The following PYGB variants were observed in gnomAD, a reference collection of about 807,000 sequenced individuals.
The protein encoded by PYGB is glycogen phosphorylase, brain form.
PYGB carries 82 observed loss-of-function variants against 94.3 expected under a neutral mutation model. That is an observed-to-expected ratio of 0.87 (90% CI 0.73 to 1.04). The LOEUF (loss-of-function observed/expected upper bound fraction) is 1.04. Ranked by LOEUF, PYGB falls within the 50% of genes least tolerant of loss-of-function variation. The pLI is 0.00. For synonymous variants in PYGB, 488 were observed against 479.1 expected, an observed-to-expected ratio of 1.02 and a Z score of -0.24; for missense variants, 1,132 against 1,158.2, an observed-to-expected ratio of 0.98 and a Z score of 0.33.
intron 15 of PYGB, 197 bp downstream of exon 15, chr20:25,288,680 C>T (rs2088439948): frequency 6.2e-6 from 4 of 640,670 alleles, no homozygotes; most frequent in Non-Finnish European, 1.1e-5. Flanking sequence ...CCTGCCTGCC[C>T]AGCTCACTGG....
chr20:25,296,731 AGCCAGAGTT>A lies in PYGB; in HGVS notation c.*211_*219del. On this transcript the variant is annotated 3_prime_UTR_variant, in exon 20 of 20. Coordinates refer to ENST00000216962, the MANE Select transcript of PYGB (RefSeq NM_002862.4). The stretch of plus-strand genomic sequence containing the variant: ...AGTGCTCCTAGTTTCTTGTAAAGGA[AGCCAGAGTT>A]GACAGTACAAAGGGTCGTGGCCAGC... 1 of 672,726 alleles carries A rather than the reference AGCCAGAGTT, an allele frequency of 1.5e-6. No homozygotes were observed. Among genetic ancestry groups the A allele is most frequent in the Non-Finnish European group, 2.4e-6 (1 of 415,032 alleles). 41.7% of individuals were successfully genotyped at this position (672,726 alleles called of 1,614,324 possible).
At chr20:25,292,668 G>A in intron 17 of PYGB, 55 bp downstream of exon 17, 1 of 1,567,842 alleles carries the variant, frequency 6.4e-7, no homozygotes, top group Non-Finnish European at 8.6e-7. Context: ...AATGAAGGGT[G>A]TTGGGCTGGG....
In PYGB at chr20:25,296,574, G is replaced by A. The variant is rs1202598439; in HGVS notation, c.*52G>A. Reference sequence around the variant, plus strand: ...GGGCATTTGTTTTCTTGCTGACTTTGCACCTCCTTTTTTCCCCAAACACTT... The same window carrying A: ...GGGCATTTGTTTTCTTGCTGACTTTACACCTCCTTTTTTCCCCAAACACTT... On this transcript the variant is annotated 3_prime_UTR_variant, in exon 20 of 20. Transcript: ENST00000216962. 1 of 1,567,342 alleles carries A rather than the reference G, an allele frequency of 6.4e-7. No homozygotes were observed. Among genetic ancestry groups the A allele is most frequent in the Admixed American group, 1.8e-5 (1 of 56,390 alleles).
At position 25,284,178 on chromosome 20, in the gene PYGB, T is replaced by G. The variant is rs2227892; in HGVS notation, c.1695T>G (p.Asp565Glu). 1.2e-6 allele frequency: 2 copies of G among 1,613,742 alleles called. No individual in the cohort carries two copies. Among genetic ancestry groups the G allele is most frequent in the Non-Finnish European group, 1.7e-6 (2 of 1,179,902 alleles). ...KVKINPSSMFDVHVKRIHEYK... is the reference protein window; with the variant it reads ...KVKINPSSMFEVHVKRIHEYK... Reference sequence around the variant, plus strand: ...AGATCAACCCCTCCTCCATGTTCGATGTGCATGTGAAGAGGATCCACGAGT... The same window carrying G: ...AGATCAACCCCTCCTCCATGTTCGAGGTGCATGTGAAGAGGATCCACGAGT... The change falls in exon 14 of 20, where the codon GAT becomes GAG. Residue 565 changes from aspartate to glutamate, a missense_variant. By Grantham distance (45) the Asp-to-Glu change is conservative. Transcript: ENST00000216962.
chr20:25,282,294 G>GCC (rs2088375508), intron 12 of PYGB, 147 bp downstream of exon 12: 1 of 687,758 alleles, frequency 1.5e-6, no homozygotes, highest in South Asian at 1.9e-5. Context: ...TGAGGGCTGA[G>GCC]CCCCTGAACA....
At chr20:25,250,618 G>T (rs1402158307) in intron 1 of PYGB, among the ~76,000 whole-genome samples, 1 of 152,154 alleles carries the variant, frequency 6.6e-6, no homozygotes, top group Non-Finnish European at 1.5e-5. Flanking sequence ...ATGCTTGCTG[G>T]TGATGGACCA....
chr20:25,291,638 C>T (rs1251378500), intron 16 of PYGB, among the ~76,000 whole-genome samples: 2 of 152,206 alleles, frequency 1.3e-5, no homozygotes, highest in Admixed American at 6.5e-5. Context: ...CCCTGCTCCT[C>T]TGACCGAAGC....
intron 1 of PYGB, among the ~76,000 whole-genome samples, chr20:25,257,394 G>T (rs2092904721): frequency 6.6e-6 from 1 of 152,222 alleles, no homozygotes; most frequent in South Asian, 2.1e-4. Context: ...TCTAGGCCCA[G>T]CACTTCCCGT....
intron 17 of PYGB, chr20:25,293,803 T>G (rs1414041616): frequency 1.5e-4 from 47 of 314,256 alleles, no homozygotes; most frequent in Non-Finnish European, 2.4e-4. Flanking sequence ...GCCGTCTGTT[T>G]TTCAAAAGCT....
At chr20:25,284,014 C>G in intron 13 of PYGB, 90 bp from the exon 14 acceptor site, 1 of 1,512,332 alleles carries the variant, frequency 6.6e-7, no homozygotes. Context: ...CTGCGGCACT[C>G]TTCACAGGGC....
At chr20:25,265,713 G>A (rs2088212161) in intron 2 of PYGB, among the ~76,000 whole-genome samples, 1 of 150,682 alleles carries the variant, frequency 6.6e-6, no homozygotes, top group Non-Finnish European at 1.5e-5. Context: ...TCTTACCTCA[G>A]TCTCCCGAGT....
rs776622403 is a variant in PYGB, at chr20:25,280,983, G to A, written c.1274G>A (p.Arg425His). 13 of 1,614,016 alleles carry A rather than the reference G, an allele frequency of 8.1e-6. No individual in the cohort carries two copies. The highest frequency in any genetic ancestry group is 1.6e-4 in the Middle Eastern group (1 of 6,080). The change falls in exon 11 of 20, where the codon CGC becomes CAC. Residue 425 changes from arginine (R) to histidine (H), a missense_variant. Coordinates refer to ENST00000216962, the MANE Select transcript of PYGB (RefSeq NM_002862.4). ...VAALFPGDVD[R>H]LRRMSVIEEG... Reference sequence around the variant, plus strand: ...GCGCTGTTTCCCGGCGATGTGGACCGCCTGCGCAGGATGTCTGTGATCGAG... The same window carrying A: ...GCGCTGTTTCCCGGCGATGTGGACCACCTGCGCAGGATGTCTGTGATCGAG...
chr20:25,295,340 A>G (rs2088524729), intron 18 of PYGB, among the ~76,000 whole-genome samples: 1 of 152,266 alleles, frequency 6.6e-6, no homozygotes. Flanking sequence ...CACGTTTTAA[A>G]TGCCAGTTTA....
In PYGB at chr20:25,296,364, C is replaced by A. The variant is rs761952950; in HGVS notation, c.2380-6C>A. On this transcript the variant is annotated splice_region_variant and splice_polypyrimidine_tract_variant and intron_variant, in intron 19 of 19. Coordinates refer to ENST00000216962, the MANE Select transcript of PYGB (RefSeq NM_002862.4). ...CCAGAGACTAATTTCATCTCCTTCC[C>A]TGCAGAACCCCAAGGAGTGGACCAA... is the stretch of plus-strand genomic sequence containing the variant. 6.2e-7 allele frequency: 1 copy of A among 1,614,044 alleles called. No individual in the cohort carries two copies. Among genetic ancestry groups the A allele is most frequent in the South Asian group, 1.1e-5 (1 of 91,092 alleles).
chr20:25,292,990 C>T (rs886715247), intron 17 of PYGB, among the ~76,000 whole-genome samples: 1 of 152,178 alleles, frequency 6.6e-6, no homozygotes, highest in African/African-American at 2.4e-5. Context: ...CAGGACCCCA[C>T]TGCCAGGGGC....
rs2088546610 is a variant in PYGB at position 25,296,443 on chromosome 20, T to C, written c.2453T>C (p.Ile818Thr). 1 of 1,613,994 alleles carries C rather than the reference T, an allele frequency of 6.2e-7. No individual in the cohort carries two copies. Among genetic ancestry groups the C allele is most frequent in the Non-Finnish European group, 8.5e-7 (1 of 1,180,020 alleles). The change falls in exon 20 of 20, where the codon ATC becomes ACC. Residue 818 changes from isoleucine to threonine, a missense_variant. Coordinates refer to ENST00000216962, the MANE Select transcript of PYGB (RefSeq NM_002862.4). The part of the protein sequence containing the change: ...CSGKFSSDRT[I>T]TEYAREIWGV... ...GGCAAGTTCTCCAGTGACCGGACCATCACGGAGTATGCACGGGAGATCTGG... is the reference window on the plus strand; with the variant it reads ...GGCAAGTTCTCCAGTGACCGGACCACCACGGAGTATGCACGGGAGATCTGG...
Position 25,268,167 on chromosome 20 carries a change from C to CCCCCT in PYGB, c.346-958_346-957insTCCCC, listed in dbSNP as rs772366458. On this transcript the variant is annotated intron_variant, in intron 2 of 19. Coordinates refer to ENST00000216962, the MANE Select transcript of PYGB (RefSeq NM_002862.4). ...TGAGTAAATCCTAGCACCCGCCCCC[C>CCCCCT]CCCCATATCCAAAATATTGTTGGTG... is the stretch of plus-strand genomic sequence containing the variant. Among the ~76,000 whole-genome samples, 282 of 95,022 alleles carry CCCCCT rather than the reference C, an allele frequency of 3.0e-3. 25 individuals are homozygous for CCCCCT. The Middle Eastern group carries it at 0.031, about 10-fold the overall frequency. The allele number at this position is 95,022 out of a possible 152,430, so 62.3% of individuals were successfully genotyped here. A position where few individuals can be genotyped will look rare whatever the true frequency, so the allele number is the denominator to read the frequency against.
Position 25,279,282 on chromosome 20 carries a change from C to T in PYGB, c.1092+133C>T, listed in dbSNP as rs1229110729. On this transcript the variant is annotated intron_variant, in intron 9 of 19. Coordinates refer to ENST00000216962, the MANE Select transcript of PYGB (RefSeq NM_002862.4). ...GTGTGGTCATCATGCCCAGGAGAGA[C>T]GCGAGCTGTGGGAGGGGTCTGGTTC... 3.5e-5 allele frequency: 33 copies of T among 953,516 alleles called. No individual in the cohort carries two copies. The Admixed American group carries it at 4.6e-4, about 13-fold the overall frequency. The allele number at this position is 953,516 out of a possible 1,614,324, so 59.1% of individuals were successfully genotyped here.
At position 25,280,317 on chromosome 20, in the gene PYGB, C is replaced by T. The variant is rs375208225; in HGVS notation, c.1144C>T (p.Pro382Ser). 18 of 1,614,026 alleles carry T rather than the reference C, an allele frequency of 1.1e-5. No homozygotes were observed. Among genetic ancestry groups the T allele is most frequent in the Admixed American group, 1.7e-5 (1 of 60,014 alleles). ...TCAYTNHTVLPEALERWPVSM... is the reference protein window; with the variant it reads ...TCAYTNHTVLSEALERWPVSM... ...TGCATACACCAACCACACTGTGCTG[C>T]CTGAGGCCTTGGAGCGCTGGCCCGT... is the stretch of plus-strand genomic sequence containing the variant. The change falls in exon 10 of 20, where the codon CCT becomes TCT. Residue 382 changes from proline to serine, a missense_variant. Pro to Ser is a moderately conservative substitution (Grantham distance 74). Transcript: ENST00000216962.
Sources: allele counts gnomAD v4.1 joint callset (sites outside exome capture counted in the v4.1 genomes callset), GRCh38; gene constraint gnomAD v4.1.1; transcripts MANE v1.5; gene names NCBI Gene and HGNC (gene_info 2026-07-23, HGNC 2026-07-21).